Variants in RPAP1 observed in about 807,000 individuals in gnomAD.
RPAP1 encodes the protein RNA polymerase II-associated protein 1.
RPAP1 carries 109 observed loss-of-function variants against 142.4 expected under a neutral mutation model. That is an observed-to-expected ratio of 0.77 (90% CI 0.66 to 0.90). The LOEUF is 0.90. Ranked by LOEUF, RPAP1 falls within the 40% of genes least tolerant of loss-of-function variation. The pLI, the probability that RPAP1 is intolerant of heterozygous loss-of-function variation, is 0.00. For missense variants in RPAP1, 1,546 were observed against 1,751.7 expected, an observed-to-expected ratio of 0.88 and a Z score of 2.10; for synonymous variants, 704 against 738.9, an observed-to-expected ratio of 0.95 and a Z score of 0.77.
intron 22 of RPAP1, chr15:41,519,908 C>T (rs2051706021): frequency 5.5e-6 from 1 of 181,708 alleles, no homozygotes; most frequent in Non-Finnish European, 1.2e-5. Flanking sequence ...TGAATACCCA[C>T]TATATGCCAG....
At chr15:41,523,038 C>G in intron 18 of RPAP1, 78 bp from the exon 19 acceptor site, 1 of 1,264,234 alleles carries the variant, frequency 7.9e-7, no homozygotes, top group East Asian at 2.7e-5. Context: ...GGGTCTGTAC[C>G]TAAGACTAAC....
In RPAP1 at chr15:41,525,091, C is replaced by T. The variant is rs1215202481; in HGVS notation, c.1975G>A (p.Glu659Lys). 1.2e-6 allele frequency: 2 copies of T among 1,613,860 alleles called. No homozygotes were observed. The highest frequency in any genetic ancestry group is 2.7e-5 in the African/African-American group (2 of 74,902). Residue 659 changes from glutamate (E) to lysine (K), a missense_variant, in exon 15 of 25, where the codon GAA becomes AAA. Around this residue, in one of 3 missense-constraint regions of RPAP1, gnomAD observed 1,333 missense variants for 1,486.6 expected, o/e 0.90. Coordinates refer to ENST00000304330, the MANE Select transcript of RPAP1 (RefSeq NM_015540.4). ...LCRIIAEAPQ[E>K]LALPPEEAEM... ...GCTTCCTCTGGGGGCAAGGCCAGTT[C>T]TTGGGGAGCCTCAGCTATGATGCGG...
intron 14 of RPAP1, 132 bp from the exon 15 acceptor site, chr15:41,525,280 C>T (rs1190948771): frequency 2.3e-6 from 1 of 442,326 alleles, no homozygotes. Context: ...ATACCTCATC[C>T]ACCCTGCCCT....
At chr15:41,527,730 G>T in intron 11 of RPAP1, 125 bp from the exon 12 acceptor site, 1 of 1,454,086 alleles carries the variant, frequency 6.9e-7, no homozygotes, top group Non-Finnish European at 9.2e-7. Context: ...GACTTTAGGA[G>T]ATGAGGGAGA....
At chr15:41,521,691 A>G in intron 21 of RPAP1, 47 bp downstream of exon 21, 1 of 1,605,050 alleles carries the variant, frequency 6.2e-7, no homozygotes. Context: ...TAACAACTGC[A>G]GCAGCGTCCA....
At position 41,521,591 on chromosome 15, in the gene RPAP1, ATGAGGTAATGGAAGCTCGGAAGAGTTAAG is replaced by A. The variant is rs2051726529; in HGVS notation, c.3038+118_3038+146del. The A allele has an allele frequency of 5.9e-6, 5 of 847,156 alleles. No individual in the cohort carries two copies. In the Admixed American group the frequency reaches 1.5e-4, roughly 25 times the overall value. 52.5% of individuals were successfully genotyped at this position (847,156 alleles called of 1,614,324 possible). On this transcript the variant is annotated intron_variant, in intron 21 of 24. Coordinates refer to ENST00000304330, the MANE Select transcript of RPAP1 (RefSeq NM_015540.4). ...GGTTAGCCTGATCCTCACTTCACTA[ATGAGGTAATGGAAGCTCGGAAGAGTTAAG>A]TGTCGTCGGTGGAAGAAAGAGAATT... is the stretch of plus-strand genomic sequence containing the variant.
In RPAP1 at chr15:41,525,149, C is replaced by T; in HGVS notation, c.1918-1G>A. 6.2e-7 allele frequency: 1 copy of T among 1,605,714 alleles called. No individual in the cohort carries two copies. The highest frequency in any genetic ancestry group is 8.5e-7 in the Non-Finnish European group (1 of 1,175,968). The stretch of plus-strand genomic sequence containing the variant: ...GGCTCCGGAGATCAAAGCTGCTCAA[C>T]TGGAAATGGGCACAGTCTGAGGATC... On this transcript the variant is annotated splice_acceptor_variant, in intron 14 of 24. Transcript: ENST00000304330. LOFTEE classifies it high-confidence loss of function.
At chr15:41,537,924 G>T (rs1464102203) in intron 1 of RPAP1, among the ~76,000 whole-genome samples, 1 of 150,132 alleles carries the variant, frequency 6.7e-6, no homozygotes. Context: ...CACTAGCAAA[G>T]AACATGCAGA....
At chr15:41,539,158 G>A (rs2051944517) in intron 1 of RPAP1, among the ~76,000 whole-genome samples, 1 of 152,156 alleles carries the variant, frequency 6.6e-6, no homozygotes. Context: ...ACCCAGGCTG[G>A]AGTGCAGTAG....
intron 5 of RPAP1, among the ~76,000 whole-genome samples, 193 bp downstream of exon 5, chr15:41,535,319 A>G (rs1428511358): frequency 6.6e-6 from 1 of 152,194 alleles, no homozygotes; most frequent in Non-Finnish European, 1.5e-5. Context: ...TTAGGACTGC[A>G]TAATGGCCTG....
chr15:41,517,754 C>G, intron 24 of RPAP1, 44 bp downstream of exon 24: 4 of 1,614,094 alleles, frequency 2.5e-6, no homozygotes, highest in Non-Finnish European at 2.5e-6. Flanking sequence ...CTCTGTCCCC[C>G]AAGATCCTCT....
At chr15:41,522,359 G>T in intron 19 of RPAP1, 109 bp from the exon 20 acceptor site, 1 of 1,080,792 alleles carries the variant, frequency 9.3e-7, no homozygotes, top group Non-Finnish European at 1.3e-6. Context: ...CCAGCAGAAG[G>T]CCTCCCTTCC....
chr15:41,542,402 T>C (rs2051979331), intron 1 of RPAP1, among the ~76,000 whole-genome samples: 1 of 151,938 alleles, frequency 6.6e-6, no homozygotes, highest in Non-Finnish European at 1.5e-5. Flanking sequence ...GTGGGAAAAA[T>C]CCCTAAAGGT....
chr15:41,519,324 C>A (rs1275759465), intron 22 of RPAP1, among the ~76,000 whole-genome samples: 1 of 152,182 alleles, frequency 6.6e-6, no homozygotes, highest in East Asian at 1.9e-4. Flanking sequence ...TCTCCTGCCT[C>A]AGCCTCCGGA....
Position 41,523,884 on chromosome 15 carries a change from G to C in RPAP1, c.2323C>G (p.Leu775Val). Residue 775 changes from leucine (L) to valine (V), a missense_variant, in exon 17 of 25, where the codon CTA (leucine) becomes GTA (valine). Leu to Val is a conservative substitution (Grantham distance 32, BLOSUM62 1). Around this residue, in one of 3 missense-constraint regions of RPAP1, gnomAD observed 1,333 missense variants for 1,486.6 expected, o/e 0.90. Coordinates refer to ENST00000304330, the MANE Select transcript of RPAP1 (RefSeq NM_015540.4). ...GACAGCAACTTCAAGGTCTGCCTTAGACACGGCTCAACAAGAGGCTGGAGC... is the reference window on the plus strand; with the variant it reads ...GACAGCAACTTCAAGGTCTGCCTTACACACGGCTCAACAAGAGGCTGGAGC... ...SGLQPLVEPC[L>V]RQTLKLLSRP... is the part of the protein sequence containing the mutation. 6.2e-7 allele frequency: 1 copy of C among 1,608,142 alleles called. No homozygotes were observed. The highest frequency in any genetic ancestry group is 1.3e-5 in the African/African-American group (1 of 74,902).
At chr15:41,537,771 T>C (rs868226325) in intron 1 of RPAP1, among the ~76,000 whole-genome samples, 8 of 151,258 alleles carry the variant, frequency 5.3e-5, no homozygotes, top group Admixed American at 6.6e-5. Context: ...TAATCCCAGC[T>C]ACCTGGGAGG....
In RPAP1 at chr15:41,538,100, G is replaced by A. The variant is rs1209059639; in HGVS notation, c.-76-899C>T. Among the ~76,000 whole-genome samples the A allele has an allele frequency of 4.6e-5, 7 of 152,132 alleles. 1 individual carries two copies. The highest frequency in any genetic ancestry group is 4.2e-4 in the South Asian group (2 of 4,816). ...CTACTAAAAATATAAAAAACTAGCC[G>A]GGCGTGGTGGCGGGCACCTGTATTC... On this transcript the variant is annotated intron_variant, in intron 1 of 24. Coordinates refer to ENST00000304330, the MANE Select transcript of RPAP1 (RefSeq NM_015540.4).
Position 41,527,248 on chromosome 15 carries a change from T to C in RPAP1, c.1665A>G (p.Thr555=), listed in dbSNP as rs748137147. 4 of 1,611,630 alleles carry C rather than the reference T, an allele frequency of 2.5e-6. No individual in the cohort carries two copies. The highest frequency in any genetic ancestry group is 2.5e-6 in the Non-Finnish European group (3 of 1,177,976). Residue 555 remains threonine (T), a synonymous_variant, in exon 13 of 25, where the codon ACA becomes ACG. Coordinates refer to ENST00000304330, the MANE Select transcript of RPAP1 (RefSeq NM_015540.4). ...CAAGGACCACCGCAGGTCCTGGGTA[T>C]GTCACCTCCAGCACGTAGCGCAGCC... The part of the protein sequence containing the change: ...LPRLRYVLEV[T]YPGPAVVLDI...
chr15:41,524,916 GCTGAGGT>G lies in RPAP1; in HGVS notation c.2075+68_2075+74del. The G allele has an allele frequency of 2.0e-6, 3 of 1,484,012 alleles. No individual in the cohort carries two copies. The South Asian group carries it at 3.5e-5, about 17-fold the overall frequency. 91.9% of individuals were successfully genotyped at this position (1,484,012 alleles called of 1,614,324 possible). The stretch of plus-strand genomic sequence containing the variant: ...CTCCAAGCTTGGGACCTTGAGCAAG[GCTGAGGT>G]GTTTGATTTGGCCAGAAGAGCAGAA... On this transcript the variant is annotated intron_variant, in intron 15 of 24. Transcript: ENST00000304330.
Sources: gnomAD v4.1 joint callset for allele counts (sites outside exome capture counted in the v4.1 genomes callset) on GRCh38, gnomAD v4.1.1 for gene constraint, gnomAD v4.1.1 regional missense constraint, MANE v1.5 for transcripts, NCBI Gene and HGNC (gene_info 2026-07-23, HGNC 2026-07-21) for gene names.